The following EYS variants were observed in gnomAD, a reference collection of about 807,000 sequenced individuals.
EYS encodes protein eyes shut homolog.
In EYS, 250 loss-of-function variants were observed where a neutral mutation model predicts 282.1. That is an observed-to-expected ratio of 0.89 (90% CI 0.80 to 0.98). The LOEUF is 0.98. Among genes scored for constraint, EYS ranks in the 50% least tolerant of loss-of-function variants. The pLI is 0.00. For synonymous variants in EYS, 1,355 were observed against 1,282.9 expected, an observed-to-expected ratio of 1.06 and a Z score of -1.20; for missense variants, 4,016 against 3,709.0, an observed-to-expected ratio of 1.08 and a Z score of -2.15.
Position 63,789,052 on chromosome 6 carries a change from C to T in EYS, c.7578+6G>A. On this transcript the variant is annotated splice_donor_region_variant and intron_variant, in intron 38 of 42. Transcript: ENST00000503581. ...TTGTGGAAGTGACGAAGGAATGACTCTTTACCTTCAGCCAGCCCTCTTGGA... is the reference window on the plus strand; with the variant it reads ...TTGTGGAAGTGACGAAGGAATGACTTTTTACCTTCAGCCAGCCCTCTTGGA... 1 of 1,551,124 alleles carries T rather than the reference C, an allele frequency of 6.4e-7. No individual in the cohort carries two copies.
At chr6:65,539,438 T>C (rs1768082037) in intron 2 of EYS, among the ~76,000 whole-genome samples, 2 of 152,134 alleles carry the variant, frequency 1.3e-5, no homozygotes, top group African/African-American at 2.4e-5. Flanking sequence ...AGCTATGATA[T>C]ACAATATAAA....
intron 25 of EYS, among the ~76,000 whole-genome samples, chr6:64,592,787 T>C (rs1766452862): frequency 6.6e-6 from 1 of 152,102 alleles, no homozygotes; most frequent in Non-Finnish European, 1.5e-5. Context: ...ACTCAGAGAA[T>C]ATGAAGTAAA....
At chr6:65,381,034 C>T (rs1445436968) in intron 8 of EYS, among the ~76,000 whole-genome samples, 5 of 152,018 alleles carry the variant, frequency 3.3e-5, no homozygotes, top group Non-Finnish European at 7.4e-5. Flanking sequence ...TAAATTAGTT[C>T]AACCATTGTG....
chr6:64,263,045 C>T (rs1379070041), intron 30 of EYS, among the ~76,000 whole-genome samples: 2 of 142,104 alleles, frequency 1.4e-5, no homozygotes, highest in Non-Finnish European at 3.1e-5. Context: ...TTCATGACCT[C>T]TCCTTGCCTC....
intron 35 of EYS, among the ~76,000 whole-genome samples, chr6:63,873,002 G>GT (rs67423584): frequency 0.21 from 31,372 of 151,692 alleles, 4,016 homozygotes; most frequent in Admixed American, 0.31. Flanking sequence ...ATCTTTTTTT[G>GT]TTTTTTATTT....
At chr6:65,701,735 T>C (rs1464242396) in intron 1 of EYS, among the ~76,000 whole-genome samples, 2 of 152,232 alleles carry the variant, frequency 1.3e-5, no homozygotes, top group Admixed American at 6.5e-5. Flanking sequence ...TGTTGTCTAA[T>C]TTGTCACTGT....
At chr6:65,066,118 C>A (rs577997562) in intron 12 of EYS, among the ~76,000 whole-genome samples, 45 of 152,080 alleles carry the variant, frequency 3.0e-4, no homozygotes, top group Non-Finnish European at 5.4e-4. Context: ...CTGAGCCTGG[C>A]CAAGCCTTTT....
At chr6:64,587,630 A>AC (rs1766274198) in intron 26 of EYS, among the ~76,000 whole-genome samples, 1 of 152,036 alleles carries the variant, frequency 6.6e-6, no homozygotes, top group South Asian at 2.1e-4. Flanking sequence ...AACAACACAG[A>AC]AATCATATTT....
intron 29 of EYS, among the ~76,000 whole-genome samples, chr6:64,371,527 G>T (rs924222796): frequency 6.6e-6 from 1 of 151,888 alleles, no homozygotes; most frequent in Admixed American, 6.6e-5. Context: ...TGTTTATTAG[G>T]TCTATTTGGT....
At chr6:65,456,186 C>G (rs1246639147) in intron 5 of EYS, among the ~76,000 whole-genome samples, 1 of 152,090 alleles carries the variant, frequency 6.6e-6, no homozygotes, top group Non-Finnish European at 1.5e-5. Flanking sequence ...GGCGAGGTAG[C>G]TCACACCCGT....
At chr6:63,785,934 A>G (rs1374113120) in intron 39 of EYS, 2 of 152,186 alleles carry the variant, frequency 1.3e-5, no homozygotes, top group Non-Finnish European at 2.9e-5. Context: ...TGAGAACACT[A>G]TAAGAACAGA....
At chr6:64,955,141 C>T (rs1454190321) in intron 14 of EYS, among the ~76,000 whole-genome samples, 1 of 152,054 alleles carries the variant, frequency 6.6e-6, no homozygotes, top group Non-Finnish European at 1.5e-5. Context: ...AATTGTGTCA[C>T]TGCACTCCAG....
intron 26 of EYS, among the ~76,000 whole-genome samples, chr6:64,574,737 G>A (rs1582910961): frequency 6.6e-6 from 1 of 152,244 alleles, no homozygotes; most frequent in South Asian, 2.1e-4. Flanking sequence ...TTCCTGTGGG[G>A]TTAATAAAAT....
At chr6:64,983,886 A>G (rs1289530652) in intron 14 of EYS, among the ~76,000 whole-genome samples, 2 of 151,272 alleles carry the variant, frequency 1.3e-5, no homozygotes, top group African/African-American at 2.4e-5. Context: ...AGTTTACATG[A>G]CTTTGTAGCA....
intron 36 of EYS, among the ~76,000 whole-genome samples, chr6:63,853,850 C>T (rs1050425580): frequency 2.0e-5 from 3 of 152,204 alleles, no homozygotes; most frequent in Non-Finnish European, 4.4e-5. Flanking sequence ...ACCATCTGAT[C>T]TTTGACAAAC....
intron 9 of EYS, among the ~76,000 whole-genome samples, chr6:65,349,051 A>G (rs1352687005): frequency 1.3e-5 from 2 of 151,352 alleles, no homozygotes; most frequent in Non-Finnish European, 3.0e-5. Flanking sequence ...AACAAGTCGA[A>G]TTTTTTTTCA....
chr6:64,406,757 C>A (rs1170922789), intron 28 of EYS, among the ~76,000 whole-genome samples: 1 of 152,186 alleles, frequency 6.6e-6, no homozygotes, highest in African/African-American at 2.4e-5. Context: ...CAATGAGATA[C>A]CATCTCATGC....
chr6:64,084,657 C>T (rs1000531340), intron 31 of EYS, among the ~76,000 whole-genome samples: 1 of 152,088 alleles, frequency 6.6e-6, no homozygotes, highest in South Asian at 2.1e-4. Flanking sequence ...AGCAGTGGTT[C>T]CAAGAACCTT....
intron 22 of EYS, among the ~76,000 whole-genome samples, chr6:64,666,907 T>C (rs1038104323): frequency 6.6e-6 from 1 of 152,224 alleles, no homozygotes; most frequent in African/African-American, 2.4e-5. Context: ...TATTTCTCAA[T>C]TCTTTCATTT....
Sources: allele counts gnomAD v4.1 joint callset (sites outside exome capture counted in the v4.1 genomes callset), GRCh38; gene constraint gnomAD v4.1.1; transcripts MANE v1.5; gene names NCBI Gene and HGNC (gene_info 2026-07-23, HGNC 2026-07-21).